COP1: variants seen among roughly 807,000 people sequenced by gnomAD.
COP1 encodes COP1 E3 ubiquitin ligase, also known as E3 ubiquitin-protein ligase COP1.
COP1 carries 24 observed loss-of-function variants against 101.3 expected under a neutral mutation model. The ratio of observed to expected loss-of-function variants is 0.24; its 90% CI spans 0.17 to 0.33. The LOEUF (loss-of-function observed/expected upper bound fraction) is 0.33. Among genes scored for constraint, COP1 ranks in the 10% least tolerant of loss-of-function variants. The pLI, the probability that COP1 is intolerant of heterozygous loss-of-function variation, is 1.00. For missense variants in COP1, 663 were observed against 906.2 expected (o/e 0.73, Z 3.45); for synonymous variants, 347 against 341.9 (o/e 1.01, Z -0.17).
intron 1 of COP1, among the ~76,000 whole-genome samples, chr1:176,192,428 AC>A (rs879448394): frequency 5.9e-5 from 9 of 152,164 alleles, no homozygotes; most frequent in Admixed American, 1.3e-4. Context: ...CATTAATGTG[AC>A]TAATACTTTT....
At chr1:175,977,830 T>C (rs1172587162) in intron 18 of COP1, among the ~76,000 whole-genome samples, 1 of 152,126 alleles carries the variant, frequency 6.6e-6, no homozygotes, top group African/African-American at 2.4e-5. Flanking sequence ...ATTTAGAAAA[T>C]AATAATGTTT....
chr1:176,030,529 G>A (rs1051026034), intron 14 of COP1, among the ~76,000 whole-genome samples: 1 of 152,126 alleles, frequency 6.6e-6, no homozygotes, highest in Admixed American at 6.6e-5. Flanking sequence ...AGTTAGAAGG[G>A]TGGCAGGTCT....
At chr1:176,007,301 A>T (rs923910597) in intron 15 of COP1, among the ~76,000 whole-genome samples, 1 of 152,116 alleles carries the variant, frequency 6.6e-6, no homozygotes, top group East Asian at 1.9e-4. Flanking sequence ...GTCCTCCCGT[A>T]GCTCAGAGTA....
intron 1 of COP1, among the ~76,000 whole-genome samples, chr1:176,199,982 G>A (rs1443772120): frequency 2.0e-5 from 3 of 152,264 alleles, no homozygotes; most frequent in Non-Finnish European, 2.9e-5. Flanking sequence ...GGAAATGGGT[G>A]GTTAACTTGG....
chr1:176,132,196 C>A (rs1302958146), intron 8 of COP1, among the ~76,000 whole-genome samples: 1 of 151,740 alleles, frequency 6.6e-6, no homozygotes, highest in Middle Eastern at 3.4e-3. Flanking sequence ...GTCCTCCACA[C>A]AGGGATCCAA....
At chr1:176,076,866 A>G (rs1678127714) in intron 11 of COP1, among the ~76,000 whole-genome samples, 2 of 152,340 alleles carry the variant, frequency 1.3e-5, no homozygotes, top group East Asian at 1.9e-4. Context: ...TAGAAAATCT[A>G]GAGGAAATGG....
intron 15 of COP1, among the ~76,000 whole-genome samples, chr1:175,998,317 G>T (rs959393063): frequency 3.3e-5 from 5 of 151,312 alleles, no homozygotes; most frequent in Admixed American, 2.0e-4. Context: ...GTTGTGGGGT[G>T]GGGGGAGAGG....
chr1:176,074,225 C>T (rs1033902498), intron 11 of COP1, among the ~76,000 whole-genome samples: 2 of 152,160 alleles, frequency 1.3e-5, no homozygotes, highest in Non-Finnish European at 2.9e-5. Flanking sequence ...CCTCACCTGG[C>T]CTCTTTATTC....
At chr1:176,045,968 GAAA>G (rs1006990112) in intron 12 of COP1, among the ~76,000 whole-genome samples, 1 of 118,972 alleles carries the variant, frequency 8.4e-6, no homozygotes, top group Admixed American at 8.6e-5. Flanking sequence ...TTGGCAACCA[GAAA>G]AAAAAAAAAG....
At chr1:176,153,121 G>C (rs571931666) in intron 5 of COP1, among the ~76,000 whole-genome samples, 51 of 152,104 alleles carry the variant, frequency 3.4e-4, no homozygotes, top group South Asian at 1.0e-3. Context: ...TCTGCTCACA[G>C]GACATCACTC....
chr1:176,010,593 C>G (rs1664487019), intron 15 of COP1, among the ~76,000 whole-genome samples: 1 of 152,074 alleles, frequency 6.6e-6, no homozygotes, highest in African/African-American at 2.4e-5. Flanking sequence ...GGTGATGGTC[C>G]TTTCTATCAC....
At chr1:175,969,564 A>G (rs967694492) in intron 18 of COP1, among the ~76,000 whole-genome samples, 2 of 152,164 alleles carry the variant, frequency 1.3e-5, no homozygotes, top group African/African-American at 4.8e-5. Flanking sequence ...TCCTCCAATC[A>G]TACTTCTCCA....
chr1:175,997,790 C>T (rs945374667), intron 15 of COP1, among the ~76,000 whole-genome samples: 1 of 152,112 alleles, frequency 6.6e-6, no homozygotes, highest in Non-Finnish European at 1.5e-5. Flanking sequence ...AACACTTTTA[C>T]ACTGTTGGTG....
At chr1:175,997,679 T>C (rs374325496) in intron 15 of COP1, among the ~76,000 whole-genome samples, 4 of 152,162 alleles carry the variant, frequency 2.6e-5, no homozygotes, top group East Asian at 1.9e-4. Context: ...CAGAGAAATG[T>C]AAATCAAAAC....
intron 1 of COP1, among the ~76,000 whole-genome samples, chr1:176,195,110 A>G (rs1345077761): frequency 7.5e-6 from 1 of 134,098 alleles, no homozygotes; most frequent in Non-Finnish European, 1.6e-5. Flanking sequence ...GAAAAAGGAG[A>G]GGAGAGAAAG....
intron 15 of COP1, among the ~76,000 whole-genome samples, chr1:176,013,712 C>T (rs1444341533): frequency 6.6e-6 from 1 of 152,148 alleles, no homozygotes; most frequent in African/African-American, 2.4e-5. Context: ...ATTATTTATA[C>T]AAAAGGACCT....
At chr1:176,140,898 C>T (rs749421032) in intron 6 of COP1, among the ~76,000 whole-genome samples, 3 of 152,188 alleles carry the variant, frequency 2.0e-5, no homozygotes, top group Non-Finnish European at 2.9e-5. Context: ...ATAGCAAGCA[C>T]TCTCTTAACA....
intron 9 of COP1, among the ~76,000 whole-genome samples, chr1:176,091,357 A>C (rs1310800907): frequency 1.3e-5 from 2 of 151,766 alleles, no homozygotes; most frequent in Non-Finnish European, 2.9e-5. Flanking sequence ...AAAAAAAAAA[A>C]ACAAAAAAAA....
intron 18 of COP1, among the ~76,000 whole-genome samples, chr1:175,974,656 G>C (rs995481410): frequency 2.6e-5 from 4 of 152,070 alleles, no homozygotes; most frequent in African/African-American, 4.8e-5. Context: ...GAATCAAAGA[G>C]AAATCCTAGA....
Sources: allele counts gnomAD v4.1 joint callset (sites outside exome capture counted in the v4.1 genomes callset), GRCh38; gene constraint gnomAD v4.1.1; transcripts MANE v1.5; gene names NCBI Gene and HGNC (gene_info 2026-07-23, HGNC 2026-07-21).